Variants in LYPD6 observed in about 807,000 individuals in gnomAD.
LYPD6 encodes ly6/PLAUR domain-containing protein 6.
Under a neutral mutation model 22.7 loss-of-function variants are expected in LYPD6, and 15 were observed. The observed-to-expected ratio is 0.66, with a 90% confidence interval of 0.44 to 1.02. The LOEUF is 1.02. Ranked by LOEUF, LYPD6 falls within the 50% of genes least tolerant of loss-of-function variation. LYPD6 has a pLI of 0.00. For missense variants in LYPD6, 189 were observed against 208.4 expected (o/e 0.91, Z 0.57); for synonymous variants, 72 against 77.5 (o/e 0.93, Z 0.37).
chr2:149,396,151 A>G (rs1044913817), intron 1 of LYPD6, among the ~76,000 whole-genome samples: 1 of 151,998 alleles, frequency 6.6e-6, no homozygotes, highest in Admixed American at 6.6e-5. Context: ...CTATGTTTCT[A>G]TTGTTTTGAA....
chr2:149,450,762 A>G (rs1313918495), intron 3 of LYPD6, among the ~76,000 whole-genome samples: 1 of 152,210 alleles, frequency 6.6e-6, no homozygotes, highest in Non-Finnish European at 1.5e-5. Context: ...TTACCTGGTA[A>G]ACTTTCGAAA....
the LYPD6 span, among the ~76,000 whole-genome samples, chr2:149,484,397 T>C: frequency 6.6e-6 from 1 of 152,234 alleles, no homozygotes; most frequent in Admixed American, 6.5e-5. Context: ...CCACGGCTTC[T>C]GTCCAGTGGA....
chr2:149,400,711 G>A (rs1682536106), intron 1 of LYPD6, among the ~76,000 whole-genome samples: 6 of 152,200 alleles, frequency 3.9e-5, no homozygotes, highest in Admixed American at 3.9e-4. Context: ...GTTTTGATAA[G>A]AGTGAAAGAT....
chr2:149,458,322 C>T (rs1681012424), intron 3 of LYPD6, among the ~76,000 whole-genome samples: 2 of 152,160 alleles, frequency 1.3e-5, no homozygotes, highest in Admixed American at 1.3e-4. Flanking sequence ...CCTCTACTTT[C>T]CCCTGACCAA....
At chr2:149,334,233 A>G (rs1221179070) in intron 1 of LYPD6, among the ~76,000 whole-genome samples, 10 of 152,180 alleles carry the variant, frequency 6.6e-5, no homozygotes, top group Admixed American at 6.5e-4. Context: ...TAGAAATGGG[A>G]TAACCAAAAG....
At chr2:149,484,792 G>A in the LYPD6 span, among the ~76,000 whole-genome samples, 1 of 152,006 alleles carries the variant, frequency 6.6e-6, no homozygotes, top group Non-Finnish European at 1.5e-5. Context: ...GAGCAAATGA[G>A]TAATTTAGGT....
chr2:149,423,456 G>A (rs554155705), intron 1 of LYPD6, among the ~76,000 whole-genome samples: 42 of 152,226 alleles, frequency 2.8e-4, no homozygotes, highest in African/African-American at 9.9e-4. Context: ...CCTGTACATT[G>A]CAAAATGAGA....
chr2:149,482,012 C>G, the LYPD6 span, among the ~76,000 whole-genome samples: 1 of 152,074 alleles, frequency 6.6e-6, no homozygotes, highest in Non-Finnish European at 1.5e-5. Context: ...CAGTGCAGTC[C>G]CTGGATAGCT....
chr2:149,418,300 G>A (rs1384064292), intron 1 of LYPD6, among the ~76,000 whole-genome samples: 1 of 152,168 alleles, frequency 6.6e-6, no homozygotes, highest in Non-Finnish European at 1.5e-5. Context: ...TGCAAGCTGC[G>A]ATTCGATCAT....
chr2:149,445,122 G>C (rs573896920), intron 2 of LYPD6, among the ~76,000 whole-genome samples: 5 of 151,680 alleles, frequency 3.3e-5, no homozygotes, highest in Non-Finnish European at 7.4e-5. Context: ...TACAGCTCTT[G>C]AGTGACCAGC....
downstream of LYPD6, among the ~76,000 whole-genome samples, chr2:149,477,267 G>C (rs561598150): frequency 7.6e-4 from 116 of 152,260 alleles, no homozygotes; most frequent in Non-Finnish European, 1.5e-3. Flanking sequence ...CTGAGACCAC[G>C]TGAGATGTGC....
intron 1 of LYPD6, among the ~76,000 whole-genome samples, chr2:149,376,278 C>G (rs1361066775): frequency 6.6e-6 from 1 of 152,190 alleles, no homozygotes; most frequent in African/African-American, 2.4e-5. Flanking sequence ...GAAGAGCTTT[C>G]TGGTGGTTAA....
At chr2:149,370,901 G>A (rs190207923) in intron 1 of LYPD6, among the ~76,000 whole-genome samples, 1 of 152,226 alleles carries the variant, frequency 6.6e-6, no homozygotes, top group African/African-American at 2.4e-5. Context: ...TCGAAGTTAC[G>A]TAAGTGAGCT....
Position 149,470,923 on chromosome 2 carries a change from G to T in LYPD6, c.*73G>T. ...GGTCCACAGACCTGCATGAGTCATTGGCCTGACAGTAATTACACATGTGAG... is the reference window on the plus strand; with the variant it reads ...GGTCCACAGACCTGCATGAGTCATTTGCCTGACAGTAATTACACATGTGAG... On this transcript the variant is annotated 3_prime_UTR_variant, in exon 5 of 5. Transcript: ENST00000334166. 1.5e-6 allele frequency: 2 copies of T among 1,369,666 alleles called. No individual in the cohort carries two copies. Among genetic ancestry groups the T allele is most frequent in the East Asian group, 2.3e-5 (1 of 42,896 alleles). The allele number at this position is 1,369,666 out of a possible 1,614,324, so 84.8% of individuals were successfully genotyped here.
At chr2:149,425,743 G>A (rs1393634692) in intron 1 of LYPD6, among the ~76,000 whole-genome samples, 2 of 152,226 alleles carry the variant, frequency 1.3e-5, no homozygotes, top group African/African-American at 4.8e-5. Flanking sequence ...CAGTGATACA[G>A]AGTTGGGAGC....
chr2:149,377,112 C>G lies in LYPD6; in HGVS notation c.-72+46390C>G, dbSNP rs1196680. Among the ~76,000 whole-genome samples, 969 of 152,242 alleles carry G rather than the reference C, an allele frequency of 6.4e-3. 19 individuals carry two copies. The highest frequency in any genetic ancestry group is 0.021 in the African/African-American group (883 of 41,538). On this transcript the variant is annotated intron_variant, in intron 1 of 4. Coordinates refer to ENST00000334166, the MANE Select transcript of LYPD6 (RefSeq NM_194317.5). ...TTGCTGCTAAGAAAACTGATGACCCCTGGTTTAGAACTTTGTCTAACAACA... is the reference window on the plus strand; with the variant it reads ...TTGCTGCTAAGAAAACTGATGACCCGTGGTTTAGAACTTTGTCTAACAACA...
chr2:149,450,689 GA>G (rs1265596142), intron 3 of LYPD6, among the ~76,000 whole-genome samples: 2 of 152,238 alleles, frequency 1.3e-5, no homozygotes, highest in Non-Finnish European at 2.9e-5. Context: ...TACCACTGTG[GA>G]ATGAACATTG....
intron 1 of LYPD6, among the ~76,000 whole-genome samples, chr2:149,420,637 A>G (rs1357151202): frequency 6.6e-6 from 1 of 152,196 alleles, no homozygotes; most frequent in South Asian, 2.1e-4. Context: ...CATCAGGTTT[A>G]GGGCTGAGCA....
the LYPD6 span, among the ~76,000 whole-genome samples, chr2:149,484,077 C>T: frequency 6.6e-6 from 1 of 152,192 alleles, no homozygotes; most frequent in Non-Finnish European, 1.5e-5. Context: ...GAGCTTACAA[C>T]AAACGTTAAT....
Sources: allele counts gnomAD v4.1 joint callset (sites outside exome capture counted in the v4.1 genomes callset), GRCh38; gene constraint gnomAD v4.1.1; transcripts MANE v1.5; gene names NCBI Gene and HGNC (gene_info 2026-07-23, HGNC 2026-07-21).